Variants in BSX observed in about 807,000 individuals in gnomAD.
The protein encoded by BSX is brain-specific homeobox protein homolog.
BSX carries 12 observed loss-of-function variants against 16.9 expected under a neutral mutation model. That is an observed-to-expected ratio of 0.71 (90% CI 0.46 to 1.15). BSX has a LOEUF of 1.15. BSX is among the 50% of genes most tolerant of loss of function. The pLI is 0.00. For synonymous variants in BSX, 160 were observed against 136.4 expected, an observed-to-expected ratio of 1.17 and a Z score of -1.20; for missense variants, 292 against 311.8, an observed-to-expected ratio of 0.94 and a Z score of 0.48.
rs760634452 is a variant in BSX at position 122,977,606 on chromosome 11, C to G, written c.*43G>C. On this transcript the variant is annotated 3_prime_UTR_variant, in exon 3 of 3. Coordinates refer to ENST00000343035, the MANE Select transcript of BSX (RefSeq NM_001098169.2). This position sits in a 1 kb window ranked among gnomAD's most constrained non-coding sequence, Gnocchi z 4.5. The stretch of plus-strand genomic sequence containing the variant: ...TCCAGGAGGGAACCGCGCTCGGCCC[C>G]GCAGTCTCCTCCCCTGCCTACTACC... 1.9e-6 allele frequency: 3 copies of G among 1,571,866 alleles called. No homozygotes were observed. Among genetic ancestry groups the G allele is most frequent in the South Asian group, 1.2e-5 (1 of 86,726 alleles).
rs759317554 is a variant in BSX, at chr11:122,977,782, C to CG, written c.568dup (p.Arg190ProfsTer?). 2 of 1,613,602 alleles carry CG rather than the reference C, an allele frequency of 1.2e-6. No individual in the cohort carries two copies. The highest frequency in any genetic ancestry group is 2.2e-5 in the South Asian group (2 of 91,068). ...GGCGGCGGTGGCGGCCTCTGAACCG[C>CG]GGGGGCTGCCCTCGGGGCTTTCTGG... On this transcript the variant is annotated frameshift_variant, in exon 3 of 3. Coordinates refer to ENST00000343035, the MANE Select transcript of BSX (RefSeq NM_001098169.2). LOFTEE classifies it high-confidence loss of function. This position sits in a 1 kb window ranked among gnomAD's most constrained non-coding sequence, Gnocchi z 4.5.
intron 2 of BSX, 39 bp downstream of exon 2, chr11:122,979,222 A>G: frequency 6.4e-7 from 1 of 1,569,354 alleles, no homozygotes; most frequent in South Asian, 1.2e-5. Context: ...GCAGAGAGGA[A>G]CGAAGCAGAG....
In BSX at chr11:122,977,684, C is replaced by T; in HGVS notation, c.667G>A (p.Glu223Lys). 1.9e-6 allele frequency: 3 copies of T among 1,611,870 alleles called. No individual in the cohort carries two copies. The highest frequency in any genetic ancestry group is 2.5e-6 in the Non-Finnish European group (3 of 1,179,836). ...EPEDEVDIGD[E>K]GELGSGPHVL ...TGCGGCCCTGAGCCCAGCTCCCCCT[C>T]GTCTCCAATGTCCACCTCGTCCTCT... Residue 223 changes from glutamate to lysine, a missense_variant, in exon 3 of 3, where the codon GAG (glutamate) becomes AAG (lysine). Physicochemically the swap from Glu to Lys is moderately conservative, Grantham distance 56. Coordinates refer to ENST00000343035, the MANE Select transcript of BSX (RefSeq NM_001098169.2). The surrounding 1 kb of genome is among the most constrained non-coding windows in gnomAD (Gnocchi z 4.5).
intron 2 of BSX, among the ~76,000 whole-genome samples, chr11:122,978,237 T>G (rs1864522091): frequency 6.6e-6 from 1 of 152,180 alleles, no homozygotes; most frequent in African/African-American, 2.4e-5. Context: ...GCAAGACTCC[T>G]GGACAAGAAG....
chr11:122,979,230 G>A (rs368177980), intron 2 of BSX, 31 bp downstream of exon 2: 1 of 1,584,292 alleles, frequency 6.3e-7, no homozygotes, highest in Non-Finnish European at 8.6e-7. Flanking sequence ...GAACGAAGCA[G>A]AGATCAGGGC....
intron 1 of BSX, among the ~76,000 whole-genome samples, chr11:122,979,899 A>T (rs1864547972): frequency 6.6e-6 from 1 of 151,978 alleles, no homozygotes; most frequent in Non-Finnish European, 1.5e-5. Context: ...ACCCCTGATG[A>T]CACTCATTGC....
At position 122,979,420 on chromosome 11, in the gene BSX, G is replaced by C. The variant is rs527625117; in HGVS notation, c.300C>G (p.His100Gln). ...GGCAGTGCTTCCCCGGCAGCTCCGC[G>C]TGCTGCGGGTGCGGGAACAGCGCTG... is the stretch of plus-strand genomic sequence containing the variant. ...PVPALFPHPQ[H>Q]AELPGKHCRR... is the part of the protein sequence containing the mutation. The change falls in exon 2 of 3, where the codon CAC becomes CAG. Residue 100 changes from histidine to glutamine, a missense_variant. His to Gln is a conservative substitution (Grantham distance 24). Around this residue, in one of 3 missense-constraint regions of BSX, gnomAD observed 176 missense variants for 187.2 expected, o/e 0.94. Coordinates refer to ENST00000343035, the MANE Select transcript of BSX (RefSeq NM_001098169.2). The C allele has an allele frequency of 6.2e-7, 1 of 1,613,420 alleles. No individual in the cohort carries two copies. The highest frequency in any genetic ancestry group is 1.1e-5 in the South Asian group (1 of 91,040).
chr11:122,979,142 T>C, intron 2 of BSX, 119 bp downstream of exon 2: 1 of 1,026,572 alleles, frequency 9.7e-7, no homozygotes, highest in South Asian at 1.7e-5. Context: ...GGGAAAGGCT[T>C]AGAATAAGCG....
chr11:122,979,714 TAAAAC>T (rs952861972), intron 1 of BSX, among the ~76,000 whole-genome samples: 14 of 151,336 alleles, frequency 9.3e-5, no homozygotes, highest in African/African-American at 3.4e-4. Context: ...AAACAGTAAA[TAAAAC>T]AGAAAAGAAA....
chr11:122,978,008 T>C, intron 2 of BSX, 117 bp from the exon 3 acceptor site: 3 of 1,224,264 alleles, frequency 2.5e-6, no homozygotes, highest in Non-Finnish European at 3.5e-6. Context: ...GGTGATAGCC[T>C]CAACTGCTCA....
In BSX at chr11:122,981,636, C is replaced by T. The variant is rs1356101228; in HGVS notation, c.36G>A (p.Ala12=). 6.3e-7 allele frequency: 1 copy of T among 1,596,088 alleles called. No homozygotes were observed. Among genetic ancestry groups the T allele is most frequent in the Non-Finnish European group, 8.5e-7 (1 of 1,171,792 alleles). The change falls in exon 1 of 3, where the codon GCG becomes GCA. Residue 12 remains alanine, a synonymous_variant. Transcript: ENST00000343035. ...NLNFTSPLHP[A]SSQRPTSFFI... ...AGAAGGATGTGGGCCTCTGAGAAGA[C>T]GCCGGGTGTAGAGGAGAGGTGAAGT...
At position 122,979,306 on chromosome 11, in the gene BSX, T is replaced by C; in HGVS notation, c.414A>G (p.Pro138=). The C allele has an allele frequency of 6.2e-7, 1 of 1,614,126 alleles. No individual in the cohort carries two copies. The highest frequency in any genetic ancestry group is 8.5e-7 in the Non-Finnish European group (1 of 1,179,982). The change falls in exon 2 of 3, where the codon CCA becomes CCG. Residue 138 remains proline (P), a synonymous_variant. Coordinates refer to ENST00000343035, the MANE Select transcript of BSX (RefSeq NM_001098169.2). ...RFEIQRYLST[P]ERVELATALS... ...GGGCCGTGGCCAGCTCCACTCGTTCTGGCGTGGACAGGTAGCGCTGGATCT... is the reference window on the plus strand; with the variant it reads ...GGGCCGTGGCCAGCTCCACTCGTTCCGGCGTGGACAGGTAGCGCTGGATCT...
intron 2 of BSX, among the ~76,000 whole-genome samples, chr11:122,978,691 T>C (rs1864527382): frequency 6.6e-6 from 1 of 151,838 alleles, no homozygotes. Flanking sequence ...CAGAATTACC[T>C]GAGGAGTGTT....
intron 2 of BSX, among the ~76,000 whole-genome samples, chr11:122,978,795 C>CTTTTTTTTT (rs35567142): frequency 4.2e-4 from 27 of 64,772 alleles, no homozygotes; most frequent in Middle Eastern, 0.013. Context: ...TTTTTCTTTT[C>CTTTTTTTTT]TTTTTTTTTT....
chr11:122,980,422 G>T (rs1334000958), intron 1 of BSX, among the ~76,000 whole-genome samples: 2 of 152,174 alleles, frequency 1.3e-5, no homozygotes, highest in African/African-American at 4.8e-5. Flanking sequence ...GGCGGGTGGT[G>T]AAGCCAGTGC....
At position 122,979,448 on chromosome 11, in the gene BSX, A is replaced by G. The variant is rs780910505; in HGVS notation, c.272T>C (p.Val91Ala). The G allele has an allele frequency of 6.2e-7, 1 of 1,611,728 alleles. No individual in the cohort carries two copies. The highest frequency in any genetic ancestry group is 1.3e-5 in the African/African-American group (1 of 75,046). The change falls in exon 2 of 3, where the codon GTC becomes GCC. Residue 91 changes from valine to alanine, a missense_variant. Physicochemically the swap from Val to Ala is moderately conservative, Grantham distance 64. Around this residue, in one of 3 missense-constraint regions of BSX, gnomAD observed 176 missense variants for 187.2 expected, o/e 0.94. Coordinates refer to ENST00000343035, the MANE Select transcript of BSX (RefSeq NM_001098169.2). ...PYFLTTSGMP[V>A]PALFPHPQHA... is the part of the protein sequence containing the mutation. Reference sequence around the variant, plus strand: ...CTGCGGGTGCGGGAACAGCGCTGGGACTGGCATCCCTGCAGAGAGAAGAGC... The same window carrying G: ...CTGCGGGTGCGGGAACAGCGCTGGGGCTGGCATCCCTGCAGAGAGAAGAGC...
chr11:122,977,670 G>T lies in BSX; in HGVS notation c.681C>A (p.Gly227=). 1 of 1,610,374 alleles carries T rather than the reference G, an allele frequency of 6.2e-7. No homozygotes were observed. Among genetic ancestry groups the T allele is most frequent in the South Asian group, 1.1e-5 (1 of 91,030 alleles). ...CGGCTCAGAGCACGTGCGGCCCTGA[G>T]CCCAGCTCCCCCTCGTCTCCAATGT... The part of the protein sequence containing the change: ...EVDIGDEGEL[G]SGPHVL The change falls in exon 3 of 3, where the codon GGC becomes GGA. Residue 227 remains glycine, a synonymous_variant. Transcript: ENST00000343035. The surrounding 1 kb of genome is among the most constrained non-coding windows in gnomAD (Gnocchi z 4.5).
chr11:122,979,970 C>T (rs970703508), intron 1 of BSX, among the ~76,000 whole-genome samples: 1 of 152,038 alleles, frequency 6.6e-6, no homozygotes, highest in African/African-American at 2.4e-5. Context: ...TGAAAAATAC[C>T]TTTCTGTTTC....
At chr11:122,980,522 C>T (rs1246997335) in intron 1 of BSX, among the ~76,000 whole-genome samples, 2 of 152,118 alleles carry the variant, frequency 1.3e-5, no homozygotes, top group African/African-American at 4.8e-5. Flanking sequence ...CCCAGCCCCT[C>T]CACCGACCAT....
Sources: allele counts gnomAD v4.1 joint callset (sites outside exome capture counted in the v4.1 genomes callset), GRCh38; gene constraint gnomAD v4.1.1; regional missense constraint gnomAD v4.1.1; non-coding constraint Gnocchi (gnomAD v3.1); transcripts MANE v1.5; gene names NCBI Gene and HGNC (gene_info 2026-07-23, HGNC 2026-07-21).